Variants in PCDHA9 observed in about 807,000 individuals in gnomAD.
The protein encoded by PCDHA9 is protocadherin alpha 9.
Under a neutral mutation model 62.0 loss-of-function variants are expected in PCDHA9, and 62 were observed. The ratio of observed to expected loss-of-function variants is 1.00; its 90% confidence interval spans 0.81 to 1.23. PCDHA9 has a LOEUF of 1.23. Ranked by LOEUF, PCDHA9 falls within the 50% of genes most tolerant of loss-of-function variation. PCDHA9 has a pLI of 0.00. For missense variants in PCDHA9, 1,205 were observed against 1,249.8 expected (o/e 0.96, Z 0.54); for synonymous variants, 557 against 567.6 (o/e 0.98, Z 0.27).
intron 1 of PCDHA9, among the ~76,000 whole-genome samples, chr5:140,890,607 T>A (rs2062708566): frequency 6.6e-6 from 1 of 152,184 alleles, no homozygotes; most frequent in Non-Finnish European, 1.5e-5. Context: ...GAATAGCTAG[T>A]GCTTACCCTA....
intron 1 of PCDHA9, among the ~76,000 whole-genome samples, chr5:140,907,040 G>A (rs781947448): frequency 1.4e-4 from 21 of 152,290 alleles, no homozygotes; most frequent in Non-Finnish European, 2.4e-4. Context: ...ATGTCACAGG[G>A]ACAGTAAGCA....
chr5:140,867,059 TTATA>T (rs782538902), intron 1 of PCDHA9: 1 of 152,152 alleles, frequency 6.6e-6, no homozygotes, highest in Non-Finnish European at 1.5e-5. Flanking sequence ...CAGTACTACT[TTATA>T]TATTCACAAA....
intron 1 of PCDHA9, chr5:140,869,778 C>T (rs782226363): frequency 4.0e-5 from 65 of 1,612,804 alleles, no homozygotes; most frequent in Admixed American, 5.0e-5. Flanking sequence ...TTACTGGCAC[C>T]GTTCGGCTGT....
intron 1 of PCDHA9, among the ~76,000 whole-genome samples, chr5:140,913,069 C>G (rs1249708459): frequency 9.2e-5 from 14 of 152,006 alleles, no homozygotes; most frequent in Non-Finnish European, 1.5e-4. Flanking sequence ...TTTGATGTGT[C>G]ATTGTTTGGT....
chr5:140,875,125 A>T (rs1158150211), intron 1 of PCDHA9, among the ~76,000 whole-genome samples: 2 of 152,240 alleles, frequency 1.3e-5, no homozygotes, highest in Non-Finnish European at 2.9e-5. Flanking sequence ...TATATTAACT[A>T]AACCCGCATT....
At position 140,856,318 on chromosome 5, in the gene PCDHA9, C is replaced by T. The variant is rs200204071; in HGVS notation, c.2394+5429C>T. 8.1e-6 allele frequency: 13 copies of T among 1,598,576 alleles called. 2 individuals are homozygous for T. The African/African-American group carries it at 1.7e-4, about 21-fold the overall frequency. On this transcript the variant is annotated intron_variant, in intron 1 of 3. Transcript: ENST00000532602. ...TTTTGTTTGTGAATTCTCGGATTGACCGCGAGGAGCTGTGCGGGCGGAGCG... is the reference window on the plus strand; with the variant it reads ...TTTTGTTTGTGAATTCTCGGATTGATCGCGAGGAGCTGTGCGGGCGGAGCG...
In PCDHA9 at chr5:140,863,500, T is replaced by C. The variant is rs536977258; in HGVS notation, c.2394+12611T>C. On this transcript the variant is annotated intron_variant, in intron 1 of 3. Coordinates refer to ENST00000532602, the MANE Select transcript of PCDHA9 (RefSeq NM_031857.2). ...CCTCCCAAGGTCAACATTACGGCTT[T>C]TAGTCCTAGTGTTCTCCCATGGTTC... 36 of 432,458 alleles carry C rather than the reference T, an allele frequency of 8.3e-5. 2 individuals are homozygous for C. Among genetic ancestry groups the C allele is most frequent in the South Asian group, 5.0e-4 (28 of 55,804 alleles). 26.8% of individuals were successfully genotyped at this position (432,458 alleles called of 1,614,324 possible).
At chr5:140,877,980 T>C in intron 1 of PCDHA9, 1 of 1,219,572 alleles carries the variant, frequency 8.2e-7, no homozygotes. Flanking sequence ...TTCTTACTCA[T>C]TTTGAACTTT....
intron 1 of PCDHA9, chr5:140,928,185 C>CA: frequency 1.2e-6 from 2 of 1,614,184 alleles, no homozygotes; most frequent in Non-Finnish European, 1.7e-6. Context: ...GAAGGACAAT[C>CA]ACTGTGTCAG....
At chr5:140,873,007 C>G (rs1363151505) in intron 1 of PCDHA9, among the ~76,000 whole-genome samples, 2 of 152,088 alleles carry the variant, frequency 1.3e-5, no homozygotes, top group East Asian at 3.8e-4. Context: ...AGTCATTCTT[C>G]ATATTTAGTT....
intron 1 of PCDHA9, chr5:140,876,546 T>A (rs782795906): frequency 6.2e-7 from 1 of 1,614,218 alleles, no homozygotes; most frequent in Non-Finnish European, 8.5e-7. Context: ...TGTCGCTCCC[T>A]GTGCAAGAGG....
chr5:140,876,650 T>G lies in PCDHA9; in HGVS notation c.2394+25761T>G, dbSNP rs782068706. 4 of 1,614,162 alleles carry G rather than the reference T, an allele frequency of 2.5e-6. No individual in the cohort carries two copies. In the South Asian group the frequency reaches 4.4e-5, roughly 18 times the overall value. ...GTCATCTGCTCACTGACACCTCATG[T>G]TCCCTTCAAGCTGGTGTCCACCTAC... On this transcript the variant is annotated intron_variant, in intron 1 of 3. Transcript: ENST00000532602.
At chr5:140,942,351 G>GCAGTTAA (rs1563195355) in intron 1 of PCDHA9, among the ~76,000 whole-genome samples, 1 of 152,024 alleles carries the variant, frequency 6.6e-6, no homozygotes. Context: ...GGCGGAGGTT[G>GCAGTTAA]CAGTTAACGG....
rs1306922979 is a variant in PCDHA9, at chr5:140,849,768, G to A, written c.1273G>A (p.Val425Ile). ...RESVSAYELV[V>I]TARDGGSPSL... ...GAGTGTGTCCGCCTACGAGCTGGTG[G>A]TTACCGCGCGGGACGGGGGCTCGCC... Residue 425 changes from valine to isoleucine, a missense_variant, in exon 1 of 4, where the codon GTT (valine) becomes ATT (isoleucine). This residue lies in a region of PCDHA9 where 887 missense variants were observed against 809.5 expected (regional missense o/e 1.10). Transcript: ENST00000532602. 1.3e-6 allele frequency: 2 copies of A among 1,598,386 alleles called. No homozygotes were observed. Among genetic ancestry groups the A allele is most frequent in the African/African-American group, 2.7e-5 (2 of 74,362 alleles).
intron 1 of PCDHA9, among the ~76,000 whole-genome samples, chr5:140,899,650 T>C (rs1174353279): frequency 5.3e-5 from 8 of 152,192 alleles, no homozygotes; most frequent in African/African-American, 1.7e-4. Flanking sequence ...TCTTATTTGG[T>C]TGTGTCTCTG....
intron 1 of PCDHA9, among the ~76,000 whole-genome samples, chr5:140,898,705 A>C (rs1351081569): frequency 1.3e-5 from 2 of 152,142 alleles, no homozygotes; most frequent in Admixed American, 1.3e-4. Flanking sequence ...ACTTTAAAGT[A>C]GTTTTTTCCA....
Position 140,926,930 on chromosome 5 carries a change from T to A in PCDHA9, c.2395-52019T>A, listed in dbSNP as rs1554203828. On this transcript the variant is annotated intron_variant, in intron 1 of 3. Coordinates refer to ENST00000532602, the MANE Select transcript of PCDHA9 (RefSeq NM_031857.2). ...GGGGTGGCAGTTTTATGTTTGTGGG[T>A]TTCCTGCGGCGCTGCAGCGGGACAG... 6 of 1,575,058 alleles carry A rather than the reference T, an allele frequency of 3.8e-6. No individual in the cohort carries two copies. The East Asian group carries it at 1.4e-4, about 35-fold the overall frequency.
At position 140,910,081 on chromosome 5, in the gene PCDHA9, A is replaced by G. The variant is rs183187398; in HGVS notation, c.2394+59192A>G. 2.8e-3 allele frequency among the ~76,000 whole-genome samples: 421 copies of G among 152,330 alleles called. 2 individuals are homozygous for G. Among genetic ancestry groups the G allele is most frequent in the Middle Eastern group, 0.014 (4 of 294 alleles). On this transcript the variant is annotated intron_variant, in intron 1 of 3. Coordinates refer to ENST00000532602, the MANE Select transcript of PCDHA9 (RefSeq NM_031857.2). Reference sequence around the variant, plus strand: ...CTTTTAACAGCGTAAATTGTTGTCAAGGGGAACCAGCCTCCCCTTCATTTA... The same window carrying G: ...CTTTTAACAGCGTAAATTGTTGTCAGGGGGAACCAGCCTCCCCTTCATTTA...
chr5:140,926,682 C>T, intron 1 of PCDHA9: 1 of 656,722 alleles, frequency 1.5e-6, no homozygotes, highest in Non-Finnish European at 2.3e-6. Context: ...CAGCCTCCAG[C>T]CTAGCAAGCC....
Sources: allele counts gnomAD v4.1 joint callset (sites outside exome capture counted in the v4.1 genomes callset), GRCh38; gene constraint gnomAD v4.1.1; regional missense constraint gnomAD v4.1.1; transcripts MANE v1.5; gene names NCBI Gene and HGNC (gene_info 2026-07-23, HGNC 2026-07-21).